Variants in SULF2 observed in about 807,000 individuals in gnomAD.
SULF2 encodes the protein extracellular sulfatase Sulf-2.
In SULF2, 52 loss-of-function variants were observed where a neutral mutation model predicts 107.7. The observed-to-expected ratio is 0.48, with a 90% CI of 0.39 to 0.61. SULF2 has a LOEUF of 0.61. Among genes scored for constraint, SULF2 ranks in the 20% least tolerant of loss-of-function variants. The probability of loss-of-function intolerance (pLI) is 0.00; values close to 1 mark genes in which losing one functional copy is unlikely to be tolerated. For synonymous variants in SULF2, 460 were observed against 464.3 expected, an observed-to-expected ratio of 0.99 and a Z score of 0.12; for missense variants, 993 against 1,177.3, an observed-to-expected ratio of 0.84 and a Z score of 2.29.
intron 10 of SULF2, among the ~76,000 whole-genome samples, chr20:47,673,321 T>C (rs1249176901): frequency 6.6e-6 from 1 of 152,226 alleles, no homozygotes; most frequent in Non-Finnish European, 1.5e-5. Flanking sequence ...AAGCACTGTG[T>C]GTTAATATAT....
intron 2 of SULF2, among the ~76,000 whole-genome samples, chr20:47,747,018 T>TATACACAC (rs1232551264): frequency 0.01 from 772 of 74,902 alleles, 3 homozygotes; most frequent in African/African-American, 0.029. Flanking sequence ...TATATATATA[T>TATACACAC]ACACACACAC....
At chr20:47,751,456 G>T (rs2090156111) in intron 2 of SULF2, among the ~76,000 whole-genome samples, 1 of 152,148 alleles carries the variant, frequency 6.6e-6, no homozygotes, top group African/African-American at 2.4e-5. Flanking sequence ...AGACCAAAAA[G>T]ACTCAATTTG....
chr20:47,674,697 G>A lies in SULF2; in HGVS notation c.1380+1797C>T, dbSNP rs1319544951. On this transcript the variant is annotated intron_variant, in intron 10 of 20. Transcript: ENST00000688720. Reference sequence around the variant, plus strand: ...CAAATGACAAAAAAACATCTACCACGTGGGGTAGCACGGACAAGGTACCCA... The same window carrying A: ...CAAATGACAAAAAAACATCTACCACATGGGGTAGCACGGACAAGGTACCCA... Among the ~76,000 whole-genome samples the A allele has an allele frequency of 5.9e-5, 9 of 152,292 alleles. No individual in the cohort carries two copies. In the South Asian group the frequency reaches 1.5e-3, roughly 25 times the overall value.
At chr20:47,698,728 T>TA (rs1384231050) in intron 4 of SULF2, among the ~76,000 whole-genome samples, 4 of 152,054 alleles carry the variant, frequency 2.6e-5, no homozygotes, top group Non-Finnish European at 5.9e-5. Flanking sequence ...CCTAGTCTGA[T>TA]TAAAAAAAAT....
rs562017382 is a variant in SULF2, at chr20:47,736,708, C to T, written c.410G>A (p.Arg137Gln). ...FAVYLNSTGY[R>Q]TAFFGKYLNE... ...CTGCCCCCGTCCCTGCTCACCTGTC[C>T]GGTAGCCAGTGCTATTGAGGTACAC... Residue 137 changes from arginine to glutamine, a missense_variant, in exon 3 of 21, where the codon CGG (arginine) becomes CAG (glutamine). Around this residue, in one of 3 missense-constraint regions of SULF2, gnomAD observed 388 missense variants for 449.2 expected, o/e 0.86. Transcript: ENST00000688720. The T allele has an allele frequency of 4.5e-5, 73 of 1,614,184 alleles. No homozygotes were observed. Among genetic ancestry groups the T allele is most frequent in the South Asian group, 4.4e-4 (40 of 91,080 alleles).
At chr20:47,766,832 A>G (rs2090537183) in intron 1 of SULF2, among the ~76,000 whole-genome samples, 1 of 152,178 alleles carries the variant, frequency 6.6e-6, no homozygotes, top group African/African-American at 2.4e-5. Context: ...AGTCTTAGGA[A>G]GCTGAGCACC....
At chr20:47,738,425 C>A (rs540919996) in intron 2 of SULF2, among the ~76,000 whole-genome samples, 1 of 152,350 alleles carries the variant, frequency 6.6e-6, no homozygotes, top group Admixed American at 6.5e-5. Flanking sequence ...CCCCCGTCCC[C>A]TAAAGATAAG....
At chr20:47,682,809 C>T (rs1243773080) in intron 7 of SULF2, among the ~76,000 whole-genome samples, 185 bp downstream of exon 7, 1 of 152,190 alleles carries the variant, frequency 6.6e-6, no homozygotes, top group African/African-American at 2.4e-5. Flanking sequence ...GTGCTAACAG[C>T]TCCCGGCCTC....
chr20:47,666,175 T>C lies in SULF2; in HGVS notation c.1805+85A>G. 6.2e-7 allele frequency: 1 copy of C among 1,607,972 alleles called. No homozygotes were observed. Among genetic ancestry groups the C allele is most frequent in the South Asian group, 1.1e-5 (1 of 90,808 alleles). On this transcript the variant is annotated intron_variant, in intron 12 of 20. Transcript: ENST00000688720. The surrounding 1 kb of genome is among the most constrained non-coding windows in gnomAD (Gnocchi z 5.4). The stretch of plus-strand genomic sequence containing the variant: ...GTCCCCACCATCCTTGTCATCTTGG[T>C]CCTCAGGGGCCCAAGAGGTGTGGGA...
chr20:47,765,337 G>C (rs115704800), intron 1 of SULF2, among the ~76,000 whole-genome samples: 2,060 of 148,988 alleles, frequency 0.014, 47 homozygotes, highest in African/African-American at 0.048. Flanking sequence ...CTGGGTGACA[G>C]AGCGACACTG....
chr20:47,693,723 G>A (rs2088280510), intron 4 of SULF2, among the ~76,000 whole-genome samples: 1 of 152,220 alleles, frequency 6.6e-6, no homozygotes, highest in Non-Finnish European at 1.5e-5. Flanking sequence ...AGGTATGTGT[G>A]GGTAGAAGCT....
At chr20:47,743,378 G>T (rs949014720) in intron 2 of SULF2, among the ~76,000 whole-genome samples, 6 of 152,126 alleles carry the variant, frequency 3.9e-5, no homozygotes, top group Admixed American at 3.9e-4. Flanking sequence ...GTGTGATCAC[G>T]GCTCACTGCA....
Position 47,694,317 on chromosome 20 carries a change from C to T in SULF2, c.568-4022G>A, listed in dbSNP as rs1182615769. ...GGGTGCGGGAGGGGCGGGTGACCCC[C>T]ACCCCTGTTGGTCTCTGGTTTGGGC... is the stretch of plus-strand genomic sequence containing the variant. On this transcript the variant is annotated intron_variant, in intron 4 of 20. Coordinates refer to ENST00000688720, the MANE Select transcript of SULF2 (RefSeq NM_001387048.1). This position sits in a 1 kb window ranked among gnomAD's most constrained non-coding sequence, Gnocchi z 4.4. 6.6e-6 allele frequency among the ~76,000 whole-genome samples: 1 copy of T among 152,288 alleles called. No individual in the cohort carries two copies. Among genetic ancestry groups the T allele is most frequent in the East Asian group, 1.9e-4 (1 of 5,174 alleles).
In SULF2 at chr20:47,683,178, C is replaced by T. The variant is rs764134592; in HGVS notation, c.889-9G>A. On this transcript the variant is annotated splice_polypyrimidine_tract_variant and intron_variant, in intron 6 of 20. Coordinates refer to ENST00000688720, the MANE Select transcript of SULF2 (RefSeq NM_001387048.1). ...ACCAGCATGTTGTAAATCTGCAACA[C>T]GGGCGAGGAGGCAAGGGACAGTGGG... is the stretch of plus-strand genomic sequence containing the variant. 1.8e-5 allele frequency: 29 copies of T among 1,586,686 alleles called. No individual in the cohort carries two copies. The highest frequency in any genetic ancestry group is 8.0e-5 in the African/African-American group (6 of 74,606).
chr20:47,784,688 C>T (rs1261887222), intron 1 of SULF2, among the ~76,000 whole-genome samples: 1 of 152,158 alleles, frequency 6.6e-6, no homozygotes, highest in Non-Finnish European at 1.5e-5. Context: ...GCTTGTAGAA[C>T]GAATGAACGA....
chr20:47,685,096 G>T (rs1300725827), intron 5 of SULF2: 1 of 152,446 alleles, frequency 6.6e-6, no homozygotes, highest in Admixed American at 6.5e-5. Flanking sequence ...GTAGGACCAC[G>T]GAATATCCTT....
At chr20:47,724,632 C>T (rs917427403) in intron 3 of SULF2, among the ~76,000 whole-genome samples, 4 of 152,186 alleles carry the variant, frequency 2.6e-5, no homozygotes, top group Non-Finnish European at 5.9e-5. Context: ...GGTTTTATTG[C>T]CTGCTGAGTC....
At chr20:47,747,474 T>TG (rs2090070341) in intron 2 of SULF2, among the ~76,000 whole-genome samples, 1 of 152,068 alleles carries the variant, frequency 6.6e-6, no homozygotes, top group African/African-American at 2.4e-5. Flanking sequence ...AGAGCACACG[T>TG]GGGAAAGGGC....
At chr20:47,709,880 G>T (rs1210798335) in intron 3 of SULF2, among the ~76,000 whole-genome samples, 1 of 151,370 alleles carries the variant, frequency 6.6e-6, no homozygotes, top group Non-Finnish European at 1.5e-5. Context: ...AGGCCCTGGG[G>T]ATCCACTCTT....
Sources: allele counts gnomAD v4.1 joint callset (sites outside exome capture counted in the v4.1 genomes callset), GRCh38; gene constraint gnomAD v4.1.1; regional missense constraint gnomAD v4.1.1; non-coding constraint Gnocchi (gnomAD v3.1); transcripts MANE v1.5; gene names NCBI Gene and HGNC (gene_info 2026-07-23, HGNC 2026-07-21).